MARCHF7: variants seen among roughly 807,000 people sequenced by gnomAD.
The protein encoded by MARCHF7 is E3 ubiquitin-protein ligase MARCHF7.
In MARCHF7, 20 loss-of-function variants were observed where a neutral mutation model predicts 76.5. The ratio of observed to expected loss-of-function variants is 0.26; its 90% CI spans 0.18 to 0.38. The LOEUF is 0.38. Among genes scored for constraint, MARCHF7 ranks in the 10% least tolerant of loss-of-function variants. The pLI is 1.00. For missense variants in MARCHF7, 797 were observed against 812.9 expected (o/e 0.98, Z 0.24); for synonymous variants, 295 against 293.0 (o/e 1.01, Z -0.07).
chr2:159,718,602 G>T (rs776522207), intron 3 of MARCHF7, among the ~76,000 whole-genome samples: 2 of 152,114 alleles, frequency 1.3e-5, no homozygotes, highest in Non-Finnish European at 2.9e-5. Context: ...TTTGGACATT[G>T]TACTGCTTTT....
intron 5 of MARCHF7, 81 bp downstream of exon 5, chr2:159,743,334 A>G (rs754509863): frequency 2.5e-5 from 33 of 1,318,542 alleles, no homozygotes; most frequent in Middle Eastern, 4.9e-4. Context: ...GAATGAGGCA[A>G]GTAGATTTTA....
intron 10 of MARCHF7, 144 bp from the exon 11 acceptor site, chr2:159,764,482 G>C (rs2125745946): frequency 2.2e-6 from 1 of 445,332 alleles, no homozygotes; most frequent in Non-Finnish European, 4.0e-6. Context: ...TGTGATTTTT[G>C]ATGTTAGGGG....
intron 4 of MARCHF7, 89 bp downstream of exon 4, chr2:159,729,264 T>A: frequency 1.0e-6 from 1 of 955,260 alleles, no homozygotes; most frequent in Non-Finnish European, 1.5e-6. Context: ...ATGTGTTAGC[T>A]GGATCTGAGG....
intron 4 of MARCHF7, among the ~76,000 whole-genome samples, chr2:159,734,260 A>G (rs1199091727): frequency 6.6e-6 from 1 of 151,902 alleles, no homozygotes; most frequent in African/African-American, 2.4e-5. Flanking sequence ...TACTTTTAAT[A>G]TGAAATAATT....
In MARCHF7 at chr2:159,747,923, C is replaced by T; in HGVS notation, c.633C>T (p.Thr211=). 1 of 1,614,074 alleles carries T rather than the reference C, an allele frequency of 6.2e-7. No homozygotes were observed. Among genetic ancestry groups the T allele is most frequent in the South Asian group, 1.1e-5 (1 of 91,074 alleles). The change falls in exon 7 of 12, where the codon ACC becomes ACT. Residue 211 remains threonine (T), a synonymous_variant. Coordinates refer to ENST00000409175, the MANE Select transcript of MARCHF7 (RefSeq NM_001282805.2). ...ACCAATTGCCTTCTGAACATCAGAC[C>T]ATACTAAGTTCTAGGGACTCCAGAA... ...TNHQLPSEHQ[T]ILSSRDSRNS...
intron 3 of MARCHF7, among the ~76,000 whole-genome samples, chr2:159,718,928 C>CTCCAAAT (rs1292107807): frequency 6.6e-6 from 1 of 152,128 alleles, no homozygotes; most frequent in Non-Finnish European, 1.5e-5. Context: ...TACCGTCAGC[C>CTCCAAAT]ACACTGCTCT....
intron 3 of MARCHF7, among the ~76,000 whole-genome samples, chr2:159,727,668 C>T (rs910548249): frequency 6.6e-6 from 1 of 152,144 alleles, no homozygotes; most frequent in Non-Finnish European, 1.5e-5. Flanking sequence ...AACAATCTAG[C>T]GTACATTCAT....
chr2:159,729,300 ATG>A, intron 4 of MARCHF7, 125 bp downstream of exon 4: 2 of 553,866 alleles, frequency 3.6e-6, no homozygotes, highest in Non-Finnish European at 5.8e-6. Context: ...ACCAATATAT[ATG>A]TAGCAAAATG....
intron 9 of MARCHF7, among the ~76,000 whole-genome samples, chr2:159,760,833 T>G (rs1706966345): frequency 6.6e-6 from 1 of 152,100 alleles, no homozygotes. Flanking sequence ...TTTAGAAGTT[T>G]TAGGAAATAT....
At chr2:159,734,026 A>G in intron 4 of MARCHF7, 1 of 1,352,132 alleles carries the variant, frequency 7.4e-7, no homozygotes. Context: ...CCATCTTTAA[A>G]TTTTTATCAC....
Position 159,748,603 on chromosome 2 carries a change from A to G in MARCHF7, c.1313A>G (p.Asn438Ser). Residue 438 changes from asparagine to serine, a missense_variant, in exon 7 of 12, where the codon AAT (asparagine) becomes AGT (serine). Around this residue, in one of 3 missense-constraint regions of MARCHF7, gnomAD observed 643 missense variants for 631.5 expected, o/e 1.02. Coordinates refer to ENST00000409175, the MANE Select transcript of MARCHF7 (RefSeq NM_001282805.2). ...GAAGTGGTTCACCTTGAAGCACAGA[A>G]TGATCCTCTTGGAGCTGCTGCCAAC... ...SNEVVHLEAQNDPLGAAANRP... is the reference protein window; with the variant it reads ...SNEVVHLEAQSDPLGAAANRP... The G allele has an allele frequency of 1.2e-6, 2 of 1,614,252 alleles. No homozygotes were observed. The highest frequency in any genetic ancestry group is 1.1e-5 in the South Asian group (1 of 91,088).
At chr2:159,752,650 A>G in intron 8 of MARCHF7, 79 bp downstream of exon 8, 1 of 1,249,688 alleles carries the variant, frequency 8.0e-7, no homozygotes, top group Non-Finnish European at 1.1e-6. Flanking sequence ...AAATTTATAG[A>G]TTGTTGAATT....
Position 159,748,803 on chromosome 2 carries a change from G to C in MARCHF7, c.1513G>C (p.Asp505His). ...NLTDNVMITV[D>H]IIPSGWNSAD... ...GACCGACAATGTCATGATCACAGTA[G>C]ATATTATTCCTTCAGGTTGGAATTC... is the stretch of plus-strand genomic sequence containing the variant. Residue 505 changes from aspartate (D) to histidine (H), a missense_variant, in exon 7 of 12, where the codon GAT becomes CAT. Coordinates refer to ENST00000409175, the MANE Select transcript of MARCHF7 (RefSeq NM_001282805.2). 6.2e-7 allele frequency: 1 copy of C among 1,614,108 alleles called. No homozygotes were observed. Among genetic ancestry groups the C allele is most frequent in the Non-Finnish European group, 8.5e-7 (1 of 1,180,040 alleles).
At chr2:159,732,052 C>A (rs1167202487) in intron 4 of MARCHF7, among the ~76,000 whole-genome samples, 1 of 151,962 alleles carries the variant, frequency 6.6e-6, no homozygotes, top group African/African-American at 2.4e-5. Flanking sequence ...TGCAGTGAAT[C>A]AAGATCACGC....
At chr2:159,746,214 G>T (rs1272904392) in intron 6 of MARCHF7, among the ~76,000 whole-genome samples, 3 of 152,040 alleles carry the variant, frequency 2.0e-5, no homozygotes, top group African/African-American at 4.8e-5. Context: ...ATACTAAATC[G>T]TATATCCTCA....
At chr2:159,716,582 C>T (rs1026062909) in intron 3 of MARCHF7, among the ~76,000 whole-genome samples, 4 of 151,688 alleles carry the variant, frequency 2.6e-5, no homozygotes, top group Admixed American at 1.3e-4. Context: ...CCCAGGAGGT[C>T]GAGGCTGCAG....
At chr2:159,764,765 A>G (rs965887108) in intron 11 of MARCHF7, 91 bp downstream of exon 11, 3 of 890,772 alleles carry the variant, frequency 3.4e-6, no homozygotes, top group Non-Finnish European at 3.4e-6. Context: ...TGTTCTGCCA[A>G]ATTAGAGCTC....
At chr2:159,759,470 T>C (rs1317774088) in intron 9 of MARCHF7, 135 bp downstream of exon 9, 14 of 434,130 alleles carry the variant, frequency 3.2e-5, no homozygotes, top group Non-Finnish European at 5.4e-5. Context: ...CTTAACATAA[T>C]TCTGTTACTG....
At chr2:159,764,723 T>G (rs754000449) in intron 11 of MARCHF7, 49 bp downstream of exon 11, 37 of 1,505,004 alleles carry the variant, frequency 2.5e-5, no homozygotes, top group Non-Finnish European at 3.3e-5. Flanking sequence ...CTTTTGCAAA[T>G]TAAACCCAAA....
Sources: allele counts gnomAD v4.1 joint callset (sites outside exome capture counted in the v4.1 genomes callset), GRCh38; gene constraint gnomAD v4.1.1; regional missense constraint gnomAD v4.1.1; transcripts MANE v1.5; gene names NCBI Gene and HGNC (gene_info 2026-07-23, HGNC 2026-07-21).